Variants in RCAN2 observed in about 807,000 individuals in gnomAD.
RCAN2 encodes the protein calcipressin-2.
In RCAN2, 9 loss-of-function variants were observed where a neutral mutation model predicts 23.6. That is an observed-to-expected ratio of 0.38 (90% CI 0.23 to 0.67). The LOEUF (loss-of-function observed/expected upper bound fraction) is 0.67, where lower values mean the gene tolerates loss of function less well. RCAN2 is among the 30% of genes least tolerant of loss of function. The pLI, the probability that RCAN2 is intolerant of heterozygous loss-of-function variation, is 0.51. For missense variants in RCAN2, 273 were observed against 302.3 expected, an observed-to-expected ratio of 0.90 and a Z score of 0.72; for synonymous variants, 109 against 115.7, an observed-to-expected ratio of 0.94 and a Z score of 0.37.
At chr6:46,240,088 C>T (rs1779701469) in intron 4 of RCAN2, among the ~76,000 whole-genome samples, 1 of 152,088 alleles carries the variant, frequency 6.6e-6, no homozygotes, top group African/African-American at 2.4e-5. Flanking sequence ...GGGGAGCTGC[C>T]TGGGAGAGCC....
intron 2 of RCAN2, among the ~76,000 whole-genome samples, chr6:46,385,660 C>G (rs1014957845): frequency 2.6e-5 from 4 of 151,772 alleles, no homozygotes; most frequent in African/African-American, 9.7e-5. Context: ...AGTTCGAGAC[C>G]AGCCTGGCCA....
In RCAN2 at chr6:46,221,819, C is replaced by T. The variant is rs897411984; in HGVS notation, c.*1322G>A. ...ATTAATGTACAGGAGTAGATGAGGC[C>T]TGGCACACATAGCAGAAGGTAATGG... On this transcript the variant is annotated 3_prime_UTR_variant, in exon 5 of 5. Transcript: ENST00000371374. The T allele has an allele frequency of 5.0e-6, 2 of 397,562 alleles. No individual in the cohort carries two copies. The allele number at this position is 397,562 out of a possible 1,614,324, so 24.6% of individuals were successfully genotyped here.
chr6:46,321,703 T>A (rs918612665), intron 2 of RCAN2, among the ~76,000 whole-genome samples: 2 of 152,220 alleles, frequency 1.3e-5, no homozygotes, highest in Non-Finnish European at 2.9e-5. Context: ...TCTGCAGCTC[T>A]GAGAAGGCCC....
intron 1 of RCAN2, among the ~76,000 whole-genome samples, chr6:46,472,471 G>T (rs1768586330): frequency 6.6e-6 from 1 of 152,124 alleles, no homozygotes; most frequent in African/African-American, 2.4e-5. Flanking sequence ...TTTAATCTCT[G>T]TCAAATCTCT....
intron 2 of RCAN2, among the ~76,000 whole-genome samples, chr6:46,388,929 G>A (rs953182346): frequency 2.0e-5 from 3 of 152,028 alleles, no homozygotes; most frequent in African/African-American, 2.4e-5. Flanking sequence ...AAACCTGCAC[G>A]TACTGCACGT....
At chr6:46,266,020 A>AGTT (rs1767315740) in intron 2 of RCAN2, among the ~76,000 whole-genome samples, 1 of 152,186 alleles carries the variant, frequency 6.6e-6, no homozygotes, top group Non-Finnish European at 1.5e-5. Flanking sequence ...TATGGATAAC[A>AGTT]GATCAGCGGT....
chr6:46,249,478 C>G (rs1165797090), intron 2 of RCAN2, among the ~76,000 whole-genome samples: 3 of 151,084 alleles, frequency 2.0e-5, no homozygotes, highest in African/African-American at 7.3e-5. Context: ...GCCACCACAC[C>G]CAGCTAATTT....
At chr6:46,486,214 C>T (rs1176453791) in intron 1 of RCAN2, among the ~76,000 whole-genome samples, 1 of 152,166 alleles carries the variant, frequency 6.6e-6, no homozygotes, top group Non-Finnish European at 1.5e-5. Flanking sequence ...CACTGAGTGG[C>T]TTATTCCCCC....
At chr6:46,278,400 C>CA (rs146093176) in intron 2 of RCAN2, among the ~76,000 whole-genome samples, 2,772 of 151,604 alleles carry the variant, frequency 0.018, 88 homozygotes, top group African/African-American at 0.06. Flanking sequence ...CACATACACA[C>CA]AAAAAAAACC....
chr6:46,352,770 G>GA (rs1203223289), intron 2 of RCAN2, among the ~76,000 whole-genome samples: 1 of 151,892 alleles, frequency 6.6e-6, no homozygotes. Flanking sequence ...GGAATCAGGG[G>GA]AAAAAAAGGT....
At chr6:46,471,603 A>G (rs903578810) in intron 1 of RCAN2, among the ~76,000 whole-genome samples, 2 of 152,208 alleles carry the variant, frequency 1.3e-5, no homozygotes, top group Admixed American at 1.3e-4. Flanking sequence ...AGGACATGCC[A>G]TAAAGAATGC....
intron 2 of RCAN2, among the ~76,000 whole-genome samples, chr6:46,273,558 G>A (rs9472731): frequency 3.3e-5 from 5 of 152,076 alleles, no homozygotes; most frequent in Admixed American, 3.3e-4. Context: ...AGTTAATCTC[G>A]TCATTCTAGT....
chr6:46,224,610 T>C (rs1426452856), intron 4 of RCAN2, among the ~76,000 whole-genome samples: 1 of 152,164 alleles, frequency 6.6e-6, no homozygotes, highest in Non-Finnish European at 1.5e-5. Flanking sequence ...CCTGACCTTC[T>C]TCCAGGATCA....
intron 2 of RCAN2, among the ~76,000 whole-genome samples, chr6:46,388,359 G>A (rs1209662967): frequency 2.0e-5 from 3 of 152,078 alleles, no homozygotes; most frequent in African/African-American, 7.2e-5. Flanking sequence ...TGGTGGGAAT[G>A]TTAGTTCAAC....
intron 2 of RCAN2, among the ~76,000 whole-genome samples, chr6:46,376,706 A>G (rs572841371): frequency 1.0e-5 from 1 of 98,744 alleles, no homozygotes; most frequent in Admixed American, 8.7e-5. Context: ...AAAAAACCAA[A>G]CAAACAAACA....
At chr6:46,366,649 C>G (rs1247054079) in intron 2 of RCAN2, among the ~76,000 whole-genome samples, 1 of 152,066 alleles carries the variant, frequency 6.6e-6, no homozygotes, top group Non-Finnish European at 1.5e-5. Context: ...TTCTCATCCT[C>G]CATCACACCA....
chr6:46,385,635 T>C (rs1424809022), intron 2 of RCAN2, among the ~76,000 whole-genome samples: 3 of 151,934 alleles, frequency 2.0e-5, no homozygotes, highest in Non-Finnish European at 2.9e-5. Context: ...GGTGGGCAGA[T>C]CACTTGAGGT....
intron 2 of RCAN2, among the ~76,000 whole-genome samples, chr6:46,454,357 C>T (rs1212042688): frequency 6.6e-6 from 1 of 152,162 alleles, no homozygotes; most frequent in Non-Finnish European, 1.5e-5. Flanking sequence ...TGAGATGCCA[C>T]AAGACTCCCC....
chr6:46,471,819 A>G (rs1332931085), intron 1 of RCAN2, among the ~76,000 whole-genome samples: 1 of 152,158 alleles, frequency 6.6e-6, no homozygotes, highest in African/African-American at 2.4e-5. Flanking sequence ...TAGGGATTCA[A>G]TTAGATAATA....
Sources: gnomAD v4.1 joint callset for allele counts (sites outside exome capture counted in the v4.1 genomes callset) on GRCh38, gnomAD v4.1.1 for gene constraint, MANE v1.5 for transcripts, NCBI Gene and HGNC (gene_info 2026-07-23, HGNC 2026-07-21) for gene names.